Variants in UBE4A observed in about 807,000 individuals in gnomAD.
The protein encoded by UBE4A is ubiquitination factor E4A.
UBE4A carries 48 observed loss-of-function variants against 117.9 expected under a neutral mutation model. The observed-to-expected ratio is 0.41, with a 90% CI of 0.32 to 0.52. The LOEUF (loss-of-function observed/expected upper bound fraction) is 0.52, where lower values mean the gene tolerates loss of function less well. UBE4A is among the 20% of genes least tolerant of loss of function. UBE4A has a pLI of 0.33. For synonymous variants in UBE4A, 407 were observed against 450.0 expected, an observed-to-expected ratio of 0.90 and a Z score of 1.21; for missense variants, 1,067 against 1,296.3, an observed-to-expected ratio of 0.82 and a Z score of 2.72.
chr11:118,392,920 CAA>C (rs1555128863), intron 19 of UBE4A, 25 bp downstream of exon 19: 3 of 1,609,502 alleles, frequency 1.9e-6, no homozygotes, highest in East Asian at 2.2e-5. Flanking sequence ...AAAACAGACT[CAA>C]GAGCATATAT....
At chr11:118,380,633 C>G (rs1948697028) in intron 11 of UBE4A, among the ~76,000 whole-genome samples, 1 of 152,136 alleles carries the variant, frequency 6.6e-6, no homozygotes. Flanking sequence ...AAACAGCTCA[C>G]TCACCTGCAT....
rs1312364811 is a variant in UBE4A at position 118,368,705 on chromosome 11, G to C, written c.196G>C (p.Ala66Pro). 6.2e-7 allele frequency: 1 copy of C among 1,614,062 alleles called. No individual in the cohort carries two copies. Among genetic ancestry groups the C allele is most frequent in the Non-Finnish European group, 8.5e-7 (1 of 1,180,042 alleles). Residue 66 changes from alanine (A) to proline (P), a missense_variant, in exon 3 of 20, where the codon GCT becomes CCT. Physicochemically the swap from Ala to Pro is conservative, Grantham distance 27. Coordinates refer to ENST00000252108, the MANE Select transcript of UBE4A (RefSeq NM_001204077.2). ...ESLDEFDYSV[A>P]EISRSFRSQQ... is the part of the protein sequence containing the mutation. ...CCTGGATGAATTCGATTACTCTGTG[G>C]CTGAGATTAGCCGCTCATTCCGATC...
intron 15 of UBE4A, 144 bp downstream of exon 15, chr11:118,385,089 G>A (rs1948744292): frequency 1.5e-6 from 1 of 671,504 alleles, no homozygotes; most frequent in Non-Finnish European, 2.5e-6. Flanking sequence ...GTGATTAGTA[G>A]TGTACCACCA....
chr11:118,380,150 T>C (rs1054339012), intron 11 of UBE4A, among the ~76,000 whole-genome samples: 62 of 102,542 alleles, frequency 6.0e-4, no homozygotes, highest in African/African-American at 2.0e-3. Context: ...TGTGTGTGTG[T>C]GTGTGTGTGT....
At chr11:118,382,034 CTG>C (rs1555126399) in intron 12 of UBE4A, among the ~76,000 whole-genome samples, 2 of 152,114 alleles carry the variant, frequency 1.3e-5, no homozygotes, top group African/African-American at 4.8e-5. Context: ...AGTGGAAACT[CTG>C]TGTACAAAAG....
At chr11:118,375,581 G>C (rs948413835) in intron 9 of UBE4A, among the ~76,000 whole-genome samples, 1 of 151,206 alleles carries the variant, frequency 6.6e-6, no homozygotes, top group Non-Finnish European at 1.5e-5. Flanking sequence ...GGATAGTCTC[G>C]ATCTCTTGAC....
intron 18 of UBE4A, among the ~76,000 whole-genome samples, chr11:118,391,939 A>AG (rs1948822923): frequency 1.3e-5 from 2 of 152,064 alleles, no homozygotes; most frequent in African/African-American, 4.8e-5. Context: ...ATAACTTTTT[A>AG]GAAAAAAAAA....
intron 10 of UBE4A, 114 bp downstream of exon 10, chr11:118,376,808 G>A: frequency 7.7e-7 from 1 of 1,291,092 alleles, no homozygotes; most frequent in South Asian, 1.6e-5. Flanking sequence ...TCAGGATTTT[G>A]GGAGGCCAAG....
chr11:118,390,631 G>GT (rs1948806417), intron 17 of UBE4A, 26 bp from the exon 18 acceptor site: 3 of 1,486,960 alleles, frequency 2.0e-6, no homozygotes, highest in African/African-American at 1.5e-5. Context: ...CTGGTGATCA[G>GT]TTTTTTTCTG....
chr11:118,366,183 A>G (rs1035983297), intron 2 of UBE4A, among the ~76,000 whole-genome samples: 5 of 152,276 alleles, frequency 3.3e-5, no homozygotes, highest in African/African-American at 7.2e-5. Flanking sequence ...AACAAAATCA[A>G]TGTTGATTTT....
At chr11:118,363,671 G>A (rs1948539995) in intron 1 of UBE4A, among the ~76,000 whole-genome samples, 2 of 150,008 alleles carry the variant, frequency 1.3e-5, no homozygotes, top group South Asian at 4.2e-4. Context: ...AAGTGCAGTG[G>A]CACAATCTCA....
chr11:118,392,806 C>T lies in UBE4A; in HGVS notation c.2985C>T (p.Pro995=). 6.2e-7 allele frequency: 1 copy of T among 1,614,106 alleles called. No homozygotes were observed. Among genetic ancestry groups the T allele is most frequent in the Non-Finnish European group, 8.5e-7 (1 of 1,180,004 alleles). ...ATGCCTGTGATGAGTTCCTGGATCCCATTATGAGCACACTGATGTGTGACC... is the reference window on the plus strand; with the variant it reads ...ATGCCTGTGATGAGTTCCTGGATCCTATTATGAGCACACTGATGTGTGACC... ...YADACDEFLD[P]IMSTLMCDPV... Residue 995 remains proline, a synonymous_variant, in exon 19 of 20, where the codon CCC becomes CCT. Coordinates refer to ENST00000252108, the MANE Select transcript of UBE4A (RefSeq NM_001204077.2).
chr11:118,374,296 A>C (rs1230220061), intron 8 of UBE4A, among the ~76,000 whole-genome samples: 1 of 152,166 alleles, frequency 6.6e-6, no homozygotes, highest in African/African-American at 2.4e-5. Flanking sequence ...TCTAGCTTAT[A>C]AACCCAGTTT....
chr11:118,372,770 A>T lies in UBE4A; in HGVS notation c.721+104A>T, dbSNP rs564810129. 9.8e-5 allele frequency: 149 copies of T among 1,524,974 alleles called. 2 individuals are homozygous for T. In the East Asian group the frequency reaches 2.9e-3, roughly 30 times the overall value. 94.5% of individuals were successfully genotyped at this position (1,524,974 alleles called of 1,614,324 possible). A position where few individuals can be genotyped will look rare whatever the true frequency, so the allele number is the denominator to read the frequency against. ...CTCAGAGCCATTATGGTTCTGGTAT[A>T]AATTAAGGAGGAGGGCTCACATCTT... On this transcript the variant is annotated intron_variant, in intron 6 of 19. Coordinates refer to ENST00000252108, the MANE Select transcript of UBE4A (RefSeq NM_001204077.2).
intron 9 of UBE4A, among the ~76,000 whole-genome samples, chr11:118,375,452 C>T (rs1555125236): frequency 6.6e-6 from 1 of 152,124 alleles, no homozygotes; most frequent in Non-Finnish European, 1.5e-5. Flanking sequence ...CTCTGCCTCC[C>T]GTGTTCCAGC....
intron 1 of UBE4A, among the ~76,000 whole-genome samples, chr11:118,364,058 C>G (rs1948543838): frequency 6.6e-6 from 1 of 152,120 alleles, no homozygotes; most frequent in Non-Finnish European, 1.5e-5. Flanking sequence ...GTTCAAGATC[C>G]TTATGAACAA....
rs1012443068 is a variant in UBE4A at position 118,396,183 on chromosome 11, C to A, written c.3075-131C>A. On this transcript the variant is annotated intron_variant, in intron 19 of 19. Coordinates refer to ENST00000252108, the MANE Select transcript of UBE4A (RefSeq NM_001204077.2). The stretch of plus-strand genomic sequence containing the variant: ...GTTCTCACTCTTTCTAACCCCAACT[C>A]GGCATTTGACTCAAAGTTATAATGC... The A allele has an allele frequency of 2.0e-5, 22 of 1,101,956 alleles. No individual in the cohort carries two copies. The East Asian group carries it at 4.0e-4, about 20-fold the overall frequency. The allele number at this position is 1,101,956 out of a possible 1,614,324, so 68.3% of individuals were successfully genotyped here. A position where few individuals can be genotyped will look rare whatever the true frequency, so the allele number is the denominator to read the frequency against.
At chr11:118,375,658 C>G (rs1351113848) in intron 9 of UBE4A, among the ~76,000 whole-genome samples, 2 of 151,552 alleles carry the variant, frequency 1.3e-5, no homozygotes, top group Non-Finnish European at 2.9e-5. Flanking sequence ...CACGCCCAGC[C>G]AGAATTTTTA....
chr11:118,367,929 A>G (rs1323238420), intron 2 of UBE4A, among the ~76,000 whole-genome samples: 2 of 152,262 alleles, frequency 1.3e-5, no homozygotes, highest in African/African-American at 4.8e-5. Context: ...CAGTATTTAA[A>G]ATCATGAAAT....
Sources: allele counts gnomAD v4.1 joint callset (sites outside exome capture counted in the v4.1 genomes callset), GRCh38; gene constraint gnomAD v4.1.1; transcripts MANE v1.5; gene names NCBI Gene and HGNC (gene_info 2026-07-23, HGNC 2026-07-21).